The following MRRF variants were observed in gnomAD, a reference collection of about 807,000 sequenced individuals.
MRRF encodes ribosome-recycling factor, mitochondrial.
MRRF carries 18 observed loss-of-function variants against 25.1 expected under a neutral mutation model. The observed-to-expected ratio is 0.72, with a 90% CI of 0.50 to 1.06. The LOEUF (loss-of-function observed/expected upper bound fraction) is 1.06, where lower values mean the gene tolerates loss of function less well. MRRF is among the 50% of genes least tolerant of loss of function. The pLI, the probability that MRRF is intolerant of heterozygous loss-of-function variation, is 0.00. For synonymous variants in MRRF, 113 were observed against 112.1 expected (o/e 1.01, Z -0.05); for missense variants, 323 against 319.3 (o/e 1.01, Z -0.09).
chr9:122,271,522 ACT>A (rs1045190484), intron 2 of MRRF, among the ~76,000 whole-genome samples: 3 of 151,934 alleles, frequency 2.0e-5, no homozygotes, highest in African/African-American at 7.3e-5. Context: ...CAGGAATGAG[ACT>A]CTGATGTACT....
intron 4 of MRRF, among the ~76,000 whole-genome samples, chr9:122,289,401 C>T (rs925504492): frequency 1.2e-4 from 19 of 152,102 alleles, no homozygotes; most frequent in African/African-American, 3.6e-4. Flanking sequence ...TGTCAGTAGT[C>T]GGTGCCCTAG....
intron 1 of MRRF, among the ~76,000 whole-genome samples, chr9:122,270,320 C>A (rs1832372710): frequency 6.6e-6 from 1 of 152,174 alleles, no homozygotes. Flanking sequence ...CATGGAAGAC[C>A]TCAAACCTCA....
At position 122,324,087 on chromosome 9, in the gene MRRF, T is replaced by C. The variant is rs556387665; in HGVS notation, c.*1470T>C. On this transcript the variant is annotated 3_prime_UTR_variant, in exon 7 of 7. Coordinates refer to ENST00000344641, the MANE Select transcript of MRRF (RefSeq NM_138777.5). ...CAGCAGACACCAACTGGGTATCCTATAATTCAATTCATTTCTGACATTACC... is the reference window on the plus strand; with the variant it reads ...CAGCAGACACCAACTGGGTATCCTACAATTCAATTCATTTCTGACATTACC... 1.1e-4 allele frequency: 17 copies of C among 152,346 alleles called. No homozygotes were observed. The highest frequency in any genetic ancestry group is 3.8e-4 in the African/African-American group (16 of 41,578). The allele number at this position is 152,346 out of a possible 1,614,324, so 9.4% of individuals were successfully genotyped here.
chr9:122,274,600 G>A (rs973812234), intron 2 of MRRF, among the ~76,000 whole-genome samples: 6 of 145,938 alleles, frequency 4.1e-5, no homozygotes, highest in Non-Finnish European at 9.0e-5. Flanking sequence ...TCATAGAATT[G>A]GTTCCTTTAA....
intron 4 of MRRF, among the ~76,000 whole-genome samples, chr9:122,291,048 C>T (rs752199537): frequency 2.0e-5 from 3 of 152,150 alleles, no homozygotes; most frequent in Non-Finnish European, 2.9e-5. Context: ...CAAGATGCAT[C>T]GCTCATGTTA....
Position 122,322,864 on chromosome 9 carries a change from C to A in MRRF, c.*247C>A. On this transcript the variant is annotated 3_prime_UTR_variant, in exon 7 of 7. Transcript: ENST00000344641. ...TGCTGGCAAAAGGCCTGTACTCAGG[C>A]ATTTGCTTTGACTTGATGTTGCCAA... The A allele has an allele frequency of 1.7e-6, 1 of 579,336 alleles. No homozygotes were observed. The highest frequency in any genetic ancestry group is 3.1e-6 in the Non-Finnish European group (1 of 322,056). The allele number at this position is 579,336 out of a possible 1,614,324, so 35.9% of individuals were successfully genotyped here. A position where few individuals can be genotyped will look rare whatever the true frequency, so the allele number is the denominator to read the frequency against.
intron 5 of MRRF, among the ~76,000 whole-genome samples, chr9:122,305,564 T>C (rs537749784): frequency 1.5e-4 from 23 of 152,288 alleles, no homozygotes; most frequent in Non-Finnish European, 2.9e-4. Flanking sequence ...ATGCATCAGC[T>C]CAGAGCTTGA....
intron 5 of MRRF, among the ~76,000 whole-genome samples, chr9:122,299,429 G>A (rs1006938975): frequency 6.6e-6 from 1 of 151,932 alleles, no homozygotes; most frequent in Non-Finnish European, 1.5e-5. Flanking sequence ...AGAAGATTTT[G>A]TCCATGTTTA....
intron 5 of MRRF, among the ~76,000 whole-genome samples, chr9:122,293,526 A>T (rs1833901537): frequency 6.6e-6 from 1 of 152,230 alleles, no homozygotes; most frequent in Non-Finnish European, 1.5e-5. Context: ...GCCAGAAAAT[A>T]GCTGTCTTGT....
Position 122,298,018 on chromosome 9 carries a change from G to A in MRRF, c.551+6178G>A, listed in dbSNP as rs1209017599. ...TATACTCTATGATTGAACTCACTCT[G>A]TTCCCTATTTTTTATACATGAGCAA... On this transcript the variant is annotated intron_variant, in intron 5 of 6. Transcript: ENST00000344641. Among the ~76,000 whole-genome samples the A allele has an allele frequency of 2.0e-5, 3 of 152,132 alleles. No individual in the cohort carries two copies. The East Asian group carries it at 5.8e-4, about 29-fold the overall frequency.
intron 2 of MRRF, among the ~76,000 whole-genome samples, chr9:122,271,536 C>A (rs1156875028): frequency 1.3e-5 from 2 of 152,184 alleles, no homozygotes; most frequent in African/African-American, 4.8e-5. Flanking sequence ...TGATGTACTG[C>A]AGGTCTCAGC....
chr9:122,272,064 TA>T (rs1832495256), intron 2 of MRRF, among the ~76,000 whole-genome samples: 1 of 152,240 alleles, frequency 6.6e-6, no homozygotes, highest in Non-Finnish European at 1.5e-5. Context: ...TTATATTTTT[TA>T]AAGTTTCTAT....
intron 4 of MRRF, among the ~76,000 whole-genome samples, chr9:122,289,915 CTCT>C (rs1833649534): frequency 6.6e-6 from 1 of 151,628 alleles, no homozygotes; most frequent in East Asian, 1.9e-4. Context: ...GTAGTCCCAG[CTCT>C]TCTTTCTTTT....
intron 4 of MRRF, among the ~76,000 whole-genome samples, chr9:122,288,179 A>G (rs576220382): frequency 4.0e-4 from 61 of 152,040 alleles, no homozygotes; most frequent in Middle Eastern, 3.4e-3. Context: ...AGAGTTAATG[A>G]TGGGAAAGAA....
chr9:122,277,555 T>A (rs1832851168), intron 2 of MRRF, among the ~76,000 whole-genome samples: 1 of 152,088 alleles, frequency 6.6e-6, no homozygotes, highest in Non-Finnish European at 1.5e-5. Flanking sequence ...TTTTGTACTT[T>A]CTTTCTTTTT....
intron 4 of MRRF, chr9:122,285,765 G>T (rs1833356653): frequency 1.8e-6 from 2 of 1,111,444 alleles, no homozygotes; most frequent in African/African-American, 1.7e-5. Context: ...GACTAATTGA[G>T]TTTTTTTTTT....
rs775061261 is a variant in MRRF, at chr9:122,313,239, G to A, written c.564G>A (p.Glu188=). The change falls in exon 6 of 7, where the codon GAG becomes GAA. Residue 188 remains glutamate (E), a synonymous_variant. Transcript: ENST00000344641. The part of the protein sequence containing the change: ...IRVPIPQVTR[E]HREMLVKLAK... The stretch of plus-strand genomic sequence containing the variant: ...TGTCTTTTATCAGAGTAACCAGAGA[G>A]CACAGAGAAATGCTGGTGAAACTGG... The A allele has an allele frequency of 1.2e-6, 2 of 1,614,006 alleles. No individual in the cohort carries two copies. Among genetic ancestry groups the A allele is most frequent in the South Asian group, 2.2e-5 (2 of 91,078 alleles).
At chr9:122,281,144 C>T (rs543658912) in intron 3 of MRRF, among the ~76,000 whole-genome samples, 10 of 152,216 alleles carry the variant, frequency 6.6e-5, no homozygotes, top group South Asian at 2.1e-4. Flanking sequence ...AGGAAGATTC[C>T]GTTTGGGTTA....
Position 122,270,936 on chromosome 9 carries a change from T to C in MRRF, c.45T>C (p.Phe15=), listed in dbSNP as rs1215234309. Residue 15 remains phenylalanine (F), a synonymous_variant, in exon 2 of 7, where the codon TTT becomes TTC. Coordinates refer to ENST00000344641, the MANE Select transcript of MRRF (RefSeq NM_138777.5). ...LKCFRMVHPT[F]RNYLAASIRP... ...GCTTCCGCATGGTCCACCCTACCTT[T>C]CGCAATTATCTTGCAGCCTCTATCA... The C allele has an allele frequency of 6.2e-7, 1 of 1,614,074 alleles. No homozygotes were observed. The highest frequency in any genetic ancestry group is 8.5e-7 in the Non-Finnish European group (1 of 1,180,032).
Sources: allele counts gnomAD v4.1 joint callset (sites outside exome capture counted in the v4.1 genomes callset), GRCh38; gene constraint gnomAD v4.1.1; transcripts MANE v1.5; gene names NCBI Gene and HGNC (gene_info 2026-07-23, HGNC 2026-07-21).